MYT1: variants seen among roughly 807,000 people sequenced by gnomAD.
MYT1 encodes myelin transcription factor I.
MYT1 carries 23 observed loss-of-function variants against 123.0 expected under a neutral mutation model. That is an observed-to-expected ratio of 0.19 (90% CI 0.13 to 0.26). MYT1 has a LOEUF of 0.26. Among genes scored for constraint, MYT1 ranks in the 10% least tolerant of loss-of-function variants. The pLI, the probability that MYT1 is intolerant of heterozygous loss-of-function variation, is 1.00. For synonymous variants in MYT1, 518 were observed against 575.3 expected, an observed-to-expected ratio of 0.90 and a Z score of 1.43; for missense variants, 1,125 against 1,472.5, an observed-to-expected ratio of 0.76 and a Z score of 3.86.
rs745331815 is a variant in MYT1, at chr20:64,219,709, G to A, written c.1972-4G>A. On this transcript the variant is annotated splice_region_variant and splice_polypyrimidine_tract_variant and intron_variant, in intron 12 of 22. Transcript: ENST00000328439. The stretch of plus-strand genomic sequence containing the variant: ...GCTAACAGATCTCACCTTTGCCATT[G>A]CAGTCTGTGGATATCGAGGTAGACG... 6.2e-7 allele frequency: 1 copy of A among 1,606,672 alleles called. No individual in the cohort carries two copies. The highest frequency in any genetic ancestry group is 1.1e-5 in the South Asian group (1 of 90,290).
In MYT1 at chr20:64,186,579, G is replaced by C. The variant is rs997784517; in HGVS notation, c.-98-3484G>C. ...CAAATAATTCTTCCCCTCCCACTTT[G>C]TGGGTGAAGGACTTAAGTCTCAGAG... On this transcript the variant is annotated intron_variant, in intron 1 of 22. Coordinates refer to ENST00000328439, the MANE Select transcript of MYT1 (RefSeq NM_004535.3). The surrounding 1 kb of genome is among the most constrained non-coding windows in gnomAD (Gnocchi z 4.3). 1.3e-5 allele frequency among the ~76,000 whole-genome samples: 2 copies of C among 152,256 alleles called. No homozygotes were observed. Among genetic ancestry groups the C allele is most frequent in the African/African-American group, 4.8e-5 (2 of 41,470 alleles).
At position 64,219,757 on chromosome 20, in the gene MYT1, C is replaced by T; in HGVS notation, c.2016C>T (p.Ser672=). The change falls in exon 13 of 23, where the codon AGC becomes AGT. Residue 672 remains serine (S), a synonymous_variant. Transcript: ENST00000328439. ...EVDENGTLDL[S]MHKHRKRENA... ...ACGAAAATGGAACCCTGGACTTGAG[C>T]ATGCACAAACACCGCAAACGAGAAA... 2 of 1,614,084 alleles carry T rather than the reference C, an allele frequency of 1.2e-6. No individual in the cohort carries two copies. Among genetic ancestry groups the T allele is most frequent in the Non-Finnish European group, 1.7e-6 (2 of 1,179,956 alleles).
chr20:64,222,704 C>T (rs1158091160), intron 14 of MYT1, among the ~76,000 whole-genome samples: 2 of 152,236 alleles, frequency 1.3e-5, no homozygotes, highest in African/African-American at 4.8e-5. Context: ...GGTCCCTCTT[C>T]TCCCCAACCT....
rs906120406 is a variant in MYT1, at chr20:64,240,520, G to T, written c.*72G>T. On this transcript the variant is annotated 3_prime_UTR_variant, in exon 23 of 23. Transcript: ENST00000328439. ...CCCTCGCCCTGCCCCGCACCGTGGG[G>T]ATGCCCAACTCACAGTGACTTCCCG... 91 of 1,512,714 alleles carry T rather than the reference G, an allele frequency of 6.0e-5. No homozygotes were observed. Among genetic ancestry groups the T allele is most frequent in the Admixed American group, 2.2e-5 (1 of 45,690 alleles). The allele number at this position is 1,512,714 out of a possible 1,614,324, so 93.7% of individuals were successfully genotyped here.
At chr20:64,200,080 C>T (rs576240250) in intron 4 of MYT1, among the ~76,000 whole-genome samples, 158 bp downstream of exon 4, 1 of 152,316 alleles carries the variant, frequency 6.6e-6, no homozygotes, top group East Asian at 1.9e-4. Context: ...GCCACGTGTC[C>T]AGCTATCTTG....
At chr20:64,217,562 G>A (rs552175946) in intron 11 of MYT1, among the ~76,000 whole-genome samples, 77 of 152,320 alleles carry the variant, frequency 5.1e-4, no homozygotes, top group African/African-American at 1.6e-3. Flanking sequence ...GATCCGTTAC[G>A]GGCGTGTGTG....
intron 1 of MYT1, among the ~76,000 whole-genome samples, chr20:64,173,495 GTTGTGT>G (rs1982354032): frequency 7.0e-6 from 1 of 143,810 alleles, no homozygotes; most frequent in Non-Finnish European, 1.5e-5. Context: ...CTTCCCTTTA[GTTGTGT>G]CCATTTCCCC....
chr20:64,225,875 C>T (rs1348614402), intron 16 of MYT1, among the ~76,000 whole-genome samples: 2 of 152,340 alleles, frequency 1.3e-5, no homozygotes, highest in Non-Finnish European at 1.5e-5. Flanking sequence ...GTGTTAGGTA[C>T]TGCCGGCCCC....
At chr20:64,179,381 G>T (rs926084853) in intron 1 of MYT1, among the ~76,000 whole-genome samples, 2 of 152,224 alleles carry the variant, frequency 1.3e-5, no homozygotes, top group Non-Finnish European at 2.9e-5. Flanking sequence ...ATGTTGACTT[G>T]GTCACTGGAT....
chr20:64,170,884 T>TATATATATAGAGAGAGAG (rs1569303821), intron 1 of MYT1, among the ~76,000 whole-genome samples: 1 of 20,010 alleles, frequency 5.0e-5, no homozygotes, highest in Non-Finnish European at 7.9e-5. Flanking sequence ...TATATATATA[T>TATATATATAGAGAGAGAG]AGAGAGAGAG....
chr20:64,223,490 G>A, intron 16 of MYT1, 131 bp downstream of exon 16: 1 of 999,610 alleles, frequency 1.0e-6, no homozygotes, highest in Non-Finnish European at 1.6e-6. Context: ...CTCCTGAGAT[G>A]GGCAGAGGGG....
At chr20:64,173,610 T>C (rs1418031639) in intron 1 of MYT1, among the ~76,000 whole-genome samples, 6 of 150,518 alleles carry the variant, frequency 4.0e-5, no homozygotes, top group Admixed American at 1.3e-4. Flanking sequence ...TGTGTCCATT[T>C]CCCCTCCCTG....
At chr20:64,217,305 G>T in intron 11 of MYT1, 24 bp downstream of exon 11, 1 of 1,612,364 alleles carries the variant, frequency 6.2e-7, no homozygotes, top group Non-Finnish European at 8.5e-7. Context: ...AATTGTTCTT[G>T]TTTCTCTTCT....
intron 4 of MYT1, among the ~76,000 whole-genome samples, chr20:64,201,153 A>G (rs1983285986): frequency 6.6e-6 from 1 of 152,176 alleles, no homozygotes; most frequent in South Asian, 2.1e-4. Flanking sequence ...TTTTTTGGTA[A>G]CAGATGGAGT....
chr20:64,179,270 A>G (rs1321181934), intron 1 of MYT1, among the ~76,000 whole-genome samples: 1 of 152,238 alleles, frequency 6.6e-6, no homozygotes, highest in African/African-American at 2.4e-5. Flanking sequence ...ATTCGGTGGG[A>G]TGCCCTTCAA....
At position 64,222,002 on chromosome 20, in the gene MYT1, T is replaced by A. The variant is rs1984020271; in HGVS notation, c.2351T>A (p.Phe784Tyr). ...CCGGGGGAAGTCACCCTGACCAACTTTAAGCTGAAGTTTCTCTCCAAGGAC... is the reference window on the plus strand; with the variant it reads ...CCGGGGGAAGTCACCCTGACCAACTATAAGCTGAAGTTTCTCTCCAAGGAC... The part of the protein sequence containing the change: ...KYPGEVTLTN[F>Y]KLKFLSKDIK... The change falls in exon 14 of 23, where the codon TTT becomes TAT. Residue 784 changes from phenylalanine to tyrosine, a missense_variant. Phe to Tyr is a conservative substitution (Grantham distance 22). Transcript: ENST00000328439. 1 of 1,613,268 alleles carries A rather than the reference T, an allele frequency of 6.2e-7. No individual in the cohort carries two copies. Among genetic ancestry groups the A allele is most frequent in the African/African-American group, 1.3e-5 (1 of 74,890 alleles).
In MYT1 at chr20:64,207,897, A is replaced by T. The variant is rs1983533615; in HGVS notation, c.701A>T (p.Asp234Val). Reference protein sequence around the residue: ...VVEVTTERSQDLCPQSLEDAA... With the variant: ...VVEVTTERSQVLCPQSLEDAA... ...GAAGTCACCACCGAGCGCTCCCAGG[A>T]CCTGTGTCCCCAGTCCCTGGAGGAT... Residue 234 changes from aspartate to valine, a missense_variant, in exon 7 of 23, where the codon GAC (aspartate) becomes GTC (valine). By Grantham distance (152) the Asp-to-Val change is radical. Around this residue, in one of 4 missense-constraint regions of MYT1, gnomAD observed 406 missense variants for 432.2 expected, o/e 0.94. Coordinates refer to ENST00000328439, the MANE Select transcript of MYT1 (RefSeq NM_004535.3). The T allele has an allele frequency of 6.2e-7, 1 of 1,612,774 alleles. No homozygotes were observed. The highest frequency in any genetic ancestry group is 8.5e-7 in the Non-Finnish European group (1 of 1,179,740).
intron 1 of MYT1, among the ~76,000 whole-genome samples, chr20:64,165,711 G>A (rs989158275): frequency 8.5e-5 from 13 of 152,176 alleles, no homozygotes; most frequent in African/African-American, 2.2e-4. Flanking sequence ...GGTGCGGGGG[G>A]TTCCGTGGCT....
intron 1 of MYT1, among the ~76,000 whole-genome samples, chr20:64,177,420 A>G (rs374660875): frequency 1.1e-4 from 17 of 151,442 alleles, no homozygotes; most frequent in African/African-American, 4.1e-4. Flanking sequence ...ACTTGCCCTC[A>G]TTTTCCCCTC....
Sources: gnomAD v4.1 joint callset for allele counts (sites outside exome capture counted in the v4.1 genomes callset) on GRCh38, gnomAD v4.1.1 for gene constraint, gnomAD v4.1.1 regional missense constraint, Gnocchi (gnomAD v3.1) non-coding constraint, MANE v1.5 for transcripts, NCBI Gene and HGNC (gene_info 2026-07-23, HGNC 2026-07-21) for gene names.